KDM6A: variants seen among roughly 807,000 people sequenced by gnomAD.
KDM6A encodes lysine demethylase 6A.
KDM6A carries 11 observed loss-of-function variants against 117.6 expected under a neutral mutation model. The ratio of observed to expected loss-of-function variants is 0.09; its 90% confidence interval spans 0.06 to 0.15. The LOEUF is 0.15. Ranked by LOEUF, KDM6A falls within the 10% of genes least tolerant of loss-of-function variation. The pLI, the probability that KDM6A is intolerant of heterozygous loss-of-function variation, is 1.00. For missense variants in KDM6A, 799 were observed against 1,077.3 expected, an observed-to-expected ratio of 0.74 and a Z score of 3.62; for synonymous variants, 384 against 396.1, an observed-to-expected ratio of 0.97 and a Z score of 0.36.
intron 2 of KDM6A, among the ~76,000 whole-genome samples, chrX:44,931,817 A>G (rs1053770516): frequency 3.6e-5 from 4 of 111,875 alleles, no homozygotes; most frequent in Non-Finnish European, 5.6e-5. Context: ...TGAATTGCAC[A>G]CTTAAAAATG....
intron 2 of KDM6A, among the ~76,000 whole-genome samples, chrX:44,900,756 G>T (rs1484573617): frequency 9.0e-6 from 1 of 111,155 alleles, no homozygotes; most frequent in African/African-American, 3.3e-5. Context: ...AATTAGCTGG[G>T]CGTGGTGGCA....
At chrX:44,950,243 T>C (rs781306632) in intron 2 of KDM6A, among the ~76,000 whole-genome samples, 1 of 111,004 alleles carries the variant, frequency 9.0e-6, no homozygotes, top group South Asian at 3.8e-4. Context: ...CTCGAACTCC[T>C]GACATCGTGA....
intron 2 of KDM6A, among the ~76,000 whole-genome samples, chrX:44,903,531 T>C (rs1395601884): frequency 8.9e-6 from 1 of 111,756 alleles, no homozygotes; most frequent in African/African-American, 3.3e-5. Context: ...TAAATGTTTT[T>C]CCCCTCTCCT....
chrX:44,991,339 TTC>T (rs1243791803), intron 4 of KDM6A, among the ~76,000 whole-genome samples: 1 of 110,052 alleles, frequency 9.1e-6, no homozygotes, highest in Non-Finnish European at 1.9e-5. Context: ...CTCTCTCTCT[TTC>T]TCTCTTTCTC....
At chrX:45,105,334 G>A (rs900142517) in intron 27 of KDM6A, among the ~76,000 whole-genome samples, 1 of 111,738 alleles carries the variant, frequency 8.9e-6, no homozygotes, top group African/African-American at 3.3e-5. Flanking sequence ...AGGCTTACTT[G>A]GCATAATGTA....
rs775611554 is a variant in KDM6A at position 45,111,517 on chromosome X, CTG to C, written c.*110_*111del. On this transcript the variant is annotated 3_prime_UTR_variant, in exon 30 of 30. Transcript: ENST00000611820. ...ATCTCGTAAGGCTGCTGGCTGAAAA[CTG>C]TGTCTATGCAACCTTCCAAGTGCGG... 7.0e-6 allele frequency: 5 copies of C among 714,617 alleles called. No homozygotes were observed. The highest frequency in any genetic ancestry group is 4.2e-5 in the African/African-American group (2 of 47,209). 58.9% of individuals were successfully genotyped at this position (714,617 alleles called of 1,213,427 possible). A position where few individuals can be genotyped will look rare whatever the true frequency, so the allele number is the denominator to read the frequency against.
chrX:45,108,765 T>C (rs370630912), intron 28 of KDM6A, among the ~76,000 whole-genome samples: 4 of 98,051 alleles, frequency 4.1e-5, no homozygotes, highest in South Asian at 5.2e-4. Flanking sequence ...GTGGCACATA[T>C]ACACCATGGA....
chrX:45,012,197 A>ATTTTTTTTTT (rs760991442), intron 5 of KDM6A, among the ~76,000 whole-genome samples: 7 of 69,069 alleles, frequency 1.0e-4, no homozygotes, highest in Admixed American at 3.3e-4. Context: ...CCCAATGTAG[A>ATTTTTTTTTT]TTTTTTTTTT....
chrX:44,929,893 A>G (rs192826953), intron 2 of KDM6A, among the ~76,000 whole-genome samples: 40 of 111,172 alleles, frequency 3.6e-4, no homozygotes, highest in Admixed American at 1.1e-3. Context: ...TTACATAGGT[A>G]AACGTGTCAT....
At chrX:44,995,528 G>A (rs1317928750) in intron 4 of KDM6A, among the ~76,000 whole-genome samples, 1 of 110,719 alleles carries the variant, frequency 9.0e-6, no homozygotes, top group African/African-American at 3.3e-5. Context: ...CTGGAGTGCA[G>A]TGGTGCGATC....
intron 3 of KDM6A, among the ~76,000 whole-genome samples, chrX:44,973,639 C>T (rs2039474425): frequency 9.0e-6 from 1 of 111,077 alleles, no homozygotes; most frequent in Admixed American, 9.6e-5. Context: ...GCCTTCTTTT[C>T]TGGGAATATT....
chrX:45,045,588 G>GAAA (rs569636939), intron 8 of KDM6A, among the ~76,000 whole-genome samples: 4 of 35,652 alleles, frequency 1.1e-4, no homozygotes, highest in Admixed American at 3.3e-4. Context: ...TCTGTCTCAA[G>GAAA]AAAAAAAAAA....
At chrX:45,011,780 A>T (rs180750770) in intron 5 of KDM6A, among the ~76,000 whole-genome samples, 9,944 of 108,537 alleles carry the variant, frequency 0.092, 560 homozygotes, top group East Asian at 0.35. Flanking sequence ...TTATTTATTT[A>T]TTTTATTTAT....
chrX:44,896,250 A>G (rs777395664), intron 2 of KDM6A, among the ~76,000 whole-genome samples: 1 of 107,947 alleles, frequency 9.3e-6, no homozygotes, highest in Non-Finnish European at 1.9e-5. Flanking sequence ...ATTTTTTTGT[A>G]TTTTTTTTAG....
rs1192871963 is a variant in KDM6A at position 44,923,731 on chromosome X, ATTGATTTAAGACAGTCAG to A, written c.226-37551_226-37534del. ...TCATGCCTGGCTGATTGATTGATTG[ATTGATTTAAGACAGTCAG>A]TCTCCCTCTGTGGCCCATGCTGGAG... On this transcript the variant is annotated intron_variant, in intron 2 of 29. Transcript: ENST00000611820. 1.5e-3 allele frequency among the ~76,000 whole-genome samples: 158 copies of A among 107,228 alleles called. 1 individual carries two copies. The highest frequency in any genetic ancestry group is 5.2e-3 in the African/African-American group (152 of 29,369). 93.1% of individuals were successfully genotyped at this position (107,228 alleles called of 115,157 possible). A position where few individuals can be genotyped will look rare whatever the true frequency, so the allele number is the denominator to read the frequency against.
intron 10 of KDM6A, among the ~76,000 whole-genome samples, chrX:45,055,760 C>G (rs778064405): frequency 2.0e-4 from 22 of 111,403 alleles, no homozygotes; most frequent in African/African-American, 6.5e-4. Flanking sequence ...CTCTTGTTTT[C>G]AGGTTTATAT....
chrX:44,928,676 G>T (rs993333256), intron 2 of KDM6A, among the ~76,000 whole-genome samples: 1 of 110,894 alleles, frequency 9.0e-6, no homozygotes, highest in Non-Finnish European at 1.9e-5. Flanking sequence ...AAAAGCTTTT[G>T]TTTTTTTGTT....
At position 45,089,908 on chromosome X, in the gene KDM6A, T is replaced by C. The variant is rs142238688; in HGVS notation, c.3870T>C (p.Ala1290=). 8.0e-4 allele frequency: 968 copies of C among 1,206,164 alleles called. 6 individuals are homozygous for C. In the African/African-American group the frequency reaches 0.015, roughly 19 times the overall value. The change falls in exon 26 of 30, where the codon GCT becomes GCC. Residue 1290 remains alanine (A), a synonymous_variant. Coordinates refer to ENST00000611820, the MANE Select transcript of KDM6A (RefSeq NM_001291415.2). ...VQAIGWCNNI[A]WNVGPLTACQ... Reference sequence around the variant, plus strand: ...CTATTGGCTGGTGCAACAACATTGCTTGGAATGTTGGTCCACTTACAGGTA... The same window carrying C: ...CTATTGGCTGGTGCAACAACATTGCCTGGAATGTTGGTCCACTTACAGGTA...
At chrX:45,030,766 G>C (rs1450231296) in intron 6 of KDM6A, among the ~76,000 whole-genome samples, 1 of 111,116 alleles carries the variant, frequency 9.0e-6, no homozygotes, top group Non-Finnish European at 1.9e-5. Context: ...CTGGAGTGCA[G>C]TGGTGCGATC....
Sources: allele counts gnomAD v4.1 joint callset (sites outside exome capture counted in the v4.1 genomes callset), GRCh38; gene constraint gnomAD v4.1.1; transcripts MANE v1.5; gene names NCBI Gene and HGNC (gene_info 2026-07-23, HGNC 2026-07-21).